Variants in RYR3 observed in about 807,000 individuals in gnomAD.
The protein encoded by RYR3 is ryanodine receptor 3.
In RYR3, 207 loss-of-function variants were observed where a neutral mutation model predicts 584.3. The ratio of observed to expected loss-of-function variants is 0.35; its 90% CI spans 0.32 to 0.40. The LOEUF is 0.40. Among genes scored for constraint, RYR3 ranks in the 10% least tolerant of loss-of-function variants. RYR3 has a pLI of 1.00. For synonymous variants in RYR3, 2,416 were observed against 2,248.5 expected, an observed-to-expected ratio of 1.07 and a Z score of -2.11; for missense variants, 5,616 against 6,089.2, an observed-to-expected ratio of 0.92 and a Z score of 2.59.
intron 79 of RYR3, 33 bp downstream of exon 79, chr15:33,821,402 A>G: frequency 6.3e-7 from 1 of 1,585,482 alleles, no homozygotes; most frequent in Non-Finnish European, 8.6e-7. Context: ...GGGCTTATGT[A>G]ACTTCCACAA....
chr15:33,584,578 C>A (rs2058750542), intron 15 of RYR3, 88 bp downstream of exon 15: 5 of 638,796 alleles, frequency 7.8e-6, no homozygotes, highest in Non-Finnish European at 1.1e-5. Flanking sequence ...TGAATCTTTT[C>A]CAATGGATTG....
At chr15:33,609,446 A>G (rs2060062533) in intron 18 of RYR3, among the ~76,000 whole-genome samples, 1 of 152,210 alleles carries the variant, frequency 6.6e-6, no homozygotes, top group Non-Finnish European at 1.5e-5. Context: ...AGTTGAAGCC[A>G]GGAGTTCAAG....
intron 65 of RYR3, among the ~76,000 whole-genome samples, chr15:33,782,998 A>G (rs1275581119): frequency 6.6e-6 from 1 of 152,118 alleles, no homozygotes; most frequent in Non-Finnish European, 1.5e-5. Flanking sequence ...TCTGTACCCT[A>G]TTGGAACTCT....
At chr15:33,575,604 C>T (rs2058259425) in intron 12 of RYR3, among the ~76,000 whole-genome samples, 1 of 152,096 alleles carries the variant, frequency 6.6e-6, no homozygotes, top group Non-Finnish European at 1.5e-5. Flanking sequence ...CTCTGGGATG[C>T]AGCTAAAGTA....
In RYR3 at chr15:33,780,322, AAC is replaced by A. The variant is rs753516197; in HGVS notation, c.9250_9251del (p.Thr3084ProfsTer19). The A allele has an allele frequency of 6.2e-7, 1 of 1,613,730 alleles. No homozygotes were observed. The highest frequency in any genetic ancestry group is 1.1e-5 in the South Asian group (1 of 91,020). On this transcript the variant is annotated frameshift_variant, in exon 65 of 104. Coordinates refer to ENST00000634891, the MANE Select transcript of RYR3 (RefSeq NM_001036.6). LOFTEE classifies it high-confidence loss of function. ...ATCCACTCTCGGTCTTCAACACCAA[AAC>A]CCCCAGGGAGAGGTCTAGTAAGTAT... ...YNPLSVFNTK[T>X]PRERSILGMP... is the part of the protein sequence containing the mutation.
intron 2 of RYR3, among the ~76,000 whole-genome samples, chr15:33,477,939 A>G (rs1340791679): frequency 6.6e-6 from 1 of 151,276 alleles, no homozygotes; most frequent in Non-Finnish European, 1.5e-5. Context: ...CTCAGAAAAA[A>G]GAGAGAGGAA....
intron 1 of RYR3, among the ~76,000 whole-genome samples, chr15:33,448,724 CAAAGAG>C (rs1366057696): frequency 2.6e-5 from 4 of 152,232 alleles, no homozygotes; most frequent in African/African-American, 7.2e-5. Context: ...AGAAAACAAT[CAAAGAG>C]TAAGAGAATT....
chr15:33,726,132 C>T (rs532050682), intron 45 of RYR3, among the ~76,000 whole-genome samples: 2 of 152,234 alleles, frequency 1.3e-5, no homozygotes, highest in African/African-American at 2.4e-5. Context: ...GATACCACAA[C>T]CTCATGGCCA....
chr15:33,544,003 C>T (rs2056042007), intron 8 of RYR3, among the ~76,000 whole-genome samples: 1 of 152,146 alleles, frequency 6.6e-6, no homozygotes, highest in African/African-American at 2.4e-5. Context: ...TCTTCAAAGA[C>T]AGATCATCTC....
chr15:33,865,356 G>GA lies in RYR3; in HGVS notation c.*134dup, dbSNP rs1394028547. Reference sequence around the variant, plus strand: ...TGCCTCCCTTAAAAAAAAAACTGCTGAAAATCTGTGCTATTTTGAAATTGA... The same window carrying GA: ...TGCCTCCCTTAAAAAAAAAACTGCTGAAAAATCTGTGCTATTTTGAAATTGA... On this transcript the variant is annotated 3_prime_UTR_variant, in exon 104 of 104. Coordinates refer to ENST00000634891, the MANE Select transcript of RYR3 (RefSeq NM_001036.6). The GA allele has an allele frequency of 1.5e-6, 1 of 656,498 alleles. No homozygotes were observed. Among genetic ancestry groups the GA allele is most frequent in the Non-Finnish European group, 2.6e-6 (1 of 385,336 alleles). 40.7% of individuals were successfully genotyped at this position (656,498 alleles called of 1,614,324 possible). A position where few individuals can be genotyped will look rare whatever the true frequency, so the allele number is the denominator to read the frequency against.
chr15:33,497,570 C>T (rs997167584), intron 2 of RYR3, among the ~76,000 whole-genome samples: 12 of 152,148 alleles, frequency 7.9e-5, no homozygotes, highest in East Asian at 3.9e-4. Flanking sequence ...GCCTAGCCCT[C>T]TTTATCTGTC....
At chr15:33,385,897 G>A (rs1457848529) in intron 1 of RYR3, among the ~76,000 whole-genome samples, 1 of 151,708 alleles carries the variant, frequency 6.6e-6, no homozygotes, top group Non-Finnish European at 1.5e-5. Flanking sequence ...TAGAAATGAG[G>A]TCTCACTATG....
At chr15:33,680,848 C>A (rs913811697) in intron 38 of RYR3, among the ~76,000 whole-genome samples, 1 of 152,166 alleles carries the variant, frequency 6.6e-6, no homozygotes, top group Admixed American at 6.5e-5. Flanking sequence ...ACATCTTCAG[C>A]GTCTTTAATT....
rs993518387 is a variant in RYR3 at position 33,738,551 on chromosome 15, G to A, written c.7617G>A (p.Glu2539=). 1 of 1,614,002 alleles carries A rather than the reference G, an allele frequency of 6.2e-7. No homozygotes were observed. The highest frequency in any genetic ancestry group is 1.7e-5 in the Admixed American group (1 of 60,024). The change falls in exon 50 of 104, where the codon GAG becomes GAA. Residue 2539 remains glutamate, a synonymous_variant. Coordinates refer to ENST00000634891, the MANE Select transcript of RYR3 (RefSeq NM_001036.6). ...LAVEEELHLT[E]KLFWGIFDSL... is the part of the protein sequence containing the mutation. ...TGGAAGAAGAGCTGCACCTAACGGA[G>A]AAGCTTTTCTGGGGGATTTTTGACT...
At chr15:33,374,261 A>C (rs570618295) in intron 1 of RYR3, among the ~76,000 whole-genome samples, 223 of 152,296 alleles carry the variant, frequency 1.5e-3, no homozygotes, top group African/African-American at 5.1e-3. Context: ...AGGTTGACTG[A>C]GATGCGACTG....
chr15:33,464,962 C>A (rs1348943365), intron 1 of RYR3, among the ~76,000 whole-genome samples: 1 of 152,180 alleles, frequency 6.6e-6, no homozygotes, highest in Non-Finnish European at 1.5e-5. Flanking sequence ...TTTAAGATCC[C>A]ATAAAAAGTG....
chr15:33,848,826 CTTTT>C (rs769204969), intron 94 of RYR3, among the ~76,000 whole-genome samples: 32 of 75,254 alleles, frequency 4.3e-4, no homozygotes, highest in Non-Finnish European at 6.9e-4. Flanking sequence ...CTGAAGTCCT[CTTTT>C]TTTTTTTTTT....
rs541287663 is a variant in RYR3, at chr15:33,598,726, G to T, written c.1789-2693G>T. Among the ~76,000 whole-genome samples the T allele has an allele frequency of 2.3e-3, 352 of 150,080 alleles. 1 individual carries two copies. The highest frequency in any genetic ancestry group is 4.3e-3 in the Non-Finnish European group (291 of 67,754). ...CATCATCATGGAAGCAGGAAAACTT[G>T]CCTTCCTGTTGGAAGCAAGTAAAAC... On this transcript the variant is annotated intron_variant, in intron 16 of 103. Transcript: ENST00000634891.
At chr15:33,581,402 G>A (rs2058584265) in intron 13 of RYR3, 106 bp from the exon 14 acceptor site, 2 of 1,153,938 alleles carry the variant, frequency 1.7e-6, no homozygotes, top group African/African-American at 1.5e-5. Flanking sequence ...TTTGCATATT[G>A]GCATTTTCAG....
Sources: allele counts gnomAD v4.1 joint callset (sites outside exome capture counted in the v4.1 genomes callset), GRCh38; gene constraint gnomAD v4.1.1; transcripts MANE v1.5; gene names NCBI Gene and HGNC (gene_info 2026-07-23, HGNC 2026-07-21).